The following SECISBP2L variants were observed in gnomAD, a reference collection of about 807,000 sequenced individuals.
SECISBP2L encodes the protein selenocysteine insertion sequence-binding protein 2-like.
SECISBP2L carries 43 observed loss-of-function variants against 114.7 expected under a neutral mutation model. The ratio of observed to expected loss-of-function variants is 0.38; its 90% CI spans 0.29 to 0.48. The LOEUF (loss-of-function observed/expected upper bound fraction) is 0.48. SECISBP2L is among the 20% of genes least tolerant of loss of function. The pLI is 0.98. For missense variants in SECISBP2L, 1,136 were observed against 1,301.1 expected (o/e 0.87, Z 1.95); for synonymous variants, 451 against 439.7 (o/e 1.03, Z -0.32).
Position 48,992,339 on chromosome 15 carries a change from C to G in SECISBP2L, c.3211G>C (p.Asp1071His). The G allele has an allele frequency of 6.2e-7, 1 of 1,614,160 alleles. No homozygotes were observed. Among genetic ancestry groups the G allele is most frequent in the Non-Finnish European group, 8.5e-7 (1 of 1,180,034 alleles). The stretch of plus-strand genomic sequence containing the variant: ...TGCTGCCCAGGACTGGCCTGCTGGT[C>G]AGCAGTCCATGCCTCACTGTCCATC... ...PGMDSEAWTADQQASPGQQKS... is the reference protein window; with the variant it reads ...PGMDSEAWTAHQQASPGQQKS... Residue 1071 changes from aspartate (D) to histidine (H), a missense_variant, in exon 18 of 18, where the codon GAC (aspartate) becomes CAC (histidine). Physicochemically the swap from Asp to His is moderately conservative, Grantham distance 81. Transcript: ENST00000559471.
intron 12 of SECISBP2L, 65 bp downstream of exon 12, chr15:49,012,583 T>C: frequency 1.3e-6 from 2 of 1,556,496 alleles, no homozygotes; most frequent in Non-Finnish European, 1.8e-6. Context: ...CAACCTACTT[T>C]TACAAAACAG....
chr15:48,993,913 T>C (rs1344945423), intron 17 of SECISBP2L, among the ~76,000 whole-genome samples: 1 of 152,128 alleles, frequency 6.6e-6, no homozygotes, highest in African/African-American at 2.4e-5. Context: ...TTGCAGTTTA[T>C]AGGTATAATA....
Position 49,020,354 on chromosome 15 carries a change from T to C in SECISBP2L, c.1036-802A>G, listed in dbSNP as rs181902482. Among the ~76,000 whole-genome samples, 152 of 151,854 alleles carry C rather than the reference T, an allele frequency of 1.0e-3. 1 individual carries two copies. Among genetic ancestry groups the C allele is most frequent in the Admixed American group, 8.3e-3 (126 of 15,232 alleles). ...CCAAGTAGCTGGGACTACAAGCACA[T>C]GCCACCACACCCAGCTAATTGTTTT... On this transcript the variant is annotated intron_variant, in intron 7 of 17. Coordinates refer to ENST00000559471, the MANE Select transcript of SECISBP2L (RefSeq NM_001193489.2).
At chr15:49,000,399 T>C (rs1902177415) in intron 15 of SECISBP2L, among the ~76,000 whole-genome samples, 1 of 152,218 alleles carries the variant, frequency 6.6e-6, no homozygotes, top group Non-Finnish European at 1.5e-5. Context: ...TCGCCATGCA[T>C]ATGCCTACTA....
intron 14 of SECISBP2L, among the ~76,000 whole-genome samples, chr15:49,003,973 T>A (rs1902263016): frequency 6.6e-6 from 1 of 152,052 alleles, no homozygotes; most frequent in Non-Finnish European, 1.5e-5. Flanking sequence ...TAGGTAGGAG[T>A]CCCTCTTTTT....
chr15:49,040,692 C>T (rs1001525951), intron 1 of SECISBP2L, among the ~76,000 whole-genome samples: 2 of 150,960 alleles, frequency 1.3e-5, no homozygotes, highest in African/African-American at 2.4e-5. Context: ...CCCACCATCA[C>T]GCCCGGCTAA....
chr15:49,013,376 AACCTCC>A (rs1902476673), intron 11 of SECISBP2L, among the ~76,000 whole-genome samples: 1 of 152,056 alleles, frequency 6.6e-6, no homozygotes, highest in South Asian at 2.1e-4. Flanking sequence ...GGCTCACTGA[AACCTCC>A]ACCTCCTGGG....
intron 4 of SECISBP2L, among the ~76,000 whole-genome samples, chr15:49,030,118 G>A (rs949675465): frequency 6.6e-6 from 1 of 150,876 alleles, no homozygotes; most frequent in Non-Finnish European, 1.5e-5. Flanking sequence ...CATTTCTGCC[G>A]ATTCATAATT....
At chr15:49,003,435 T>C (rs1480225978) in intron 14 of SECISBP2L, among the ~76,000 whole-genome samples, 1 of 152,206 alleles carries the variant, frequency 6.6e-6, no homozygotes, top group African/African-American at 2.4e-5. Flanking sequence ...TTTATTTCTT[T>C]CTCTTGCCTG....
chr15:49,038,932 G>A (rs938112003), intron 1 of SECISBP2L, among the ~76,000 whole-genome samples: 1 of 152,070 alleles, frequency 6.6e-6, no homozygotes, highest in African/African-American at 2.4e-5. Context: ...CCAAAACATA[G>A]TTGTAAGAAT....
chr15:49,012,566 G>T, intron 12 of SECISBP2L, 82 bp downstream of exon 12: 2 of 1,420,138 alleles, frequency 1.4e-6, no homozygotes, highest in Non-Finnish European at 2.0e-6. Flanking sequence ...TGTTGGCTAA[G>T]ACACCACAAC....
Position 49,019,572 on chromosome 15 carries a change from G to A in SECISBP2L, c.1036-20C>T. 4 of 1,427,052 alleles carry A rather than the reference G, an allele frequency of 2.8e-6. No individual in the cohort carries two copies. The highest frequency in any genetic ancestry group is 3.6e-6 in the Non-Finnish European group (4 of 1,101,022). The allele number at this position is 1,427,052 out of a possible 1,614,324, so 88.4% of individuals were successfully genotyped here. A position where few individuals can be genotyped will look rare whatever the true frequency, so the allele number is the denominator to read the frequency against. On this transcript the variant is annotated intron_variant, in intron 7 of 17. Coordinates refer to ENST00000559471, the MANE Select transcript of SECISBP2L (RefSeq NM_001193489.2). ...TCCAACCTAAGTAAACCCCAGAGGG[G>A]AAAAAAAATCTAATTATTTTTAAAT... is the stretch of plus-strand genomic sequence containing the variant.
chr15:49,002,725 CTTGT>C (rs1902236688), intron 14 of SECISBP2L, among the ~76,000 whole-genome samples: 1 of 152,166 alleles, frequency 6.6e-6, no homozygotes, highest in Non-Finnish European at 1.5e-5. Context: ...TTCCCCATTG[CTTGT>C]TTTTGTCAGA....
chr15:49,025,134 C>T (rs1349746671), intron 7 of SECISBP2L, among the ~76,000 whole-genome samples: 1 of 152,042 alleles, frequency 6.6e-6, no homozygotes, highest in Non-Finnish European at 1.5e-5. Context: ...TAAATGATTC[C>T]CCTTTTAGCT....
In SECISBP2L at chr15:49,017,010, A is replaced by T; in HGVS notation, c.1257T>A (p.Asp419Glu). 1 of 1,611,364 alleles carries T rather than the reference A, an allele frequency of 6.2e-7. No individual in the cohort carries two copies. The highest frequency in any genetic ancestry group is 8.5e-7 in the Non-Finnish European group (1 of 1,179,174). The change falls in exon 10 of 18, where the codon GAT (aspartate) becomes GAA (glutamate). Residue 419 changes from aspartate to glutamate, a missense_variant. Physicochemically the swap from Asp to Glu is conservative, Grantham distance 45. This residue lies in a region of SECISBP2L where 684 missense variants were observed against 848.7 expected (regional missense o/e 0.81). Coordinates refer to ENST00000559471, the MANE Select transcript of SECISBP2L (RefSeq NM_001193489.2). ...TGATTGGTGAGTTTTCAGGTAAATC[A>T]TCCAACTATGATAACCAGAAAAAAC... ...IQQKLSSKVL[D>E]DLPENSPINI...
Position 48,995,243 on chromosome 15 carries a change from C to T in SECISBP2L, c.2623+1124G>A, listed in dbSNP as rs546486119. ...CGGCATTTCACTATATAGAGAGGAT[C>T]GTGCTCATTTACAATGTTAGCACTT... is the stretch of plus-strand genomic sequence containing the variant. On this transcript the variant is annotated intron_variant, in intron 17 of 17. Transcript: ENST00000559471. Among the ~76,000 whole-genome samples the T allele has an allele frequency of 8.9e-4, 136 of 152,300 alleles. 1 individual carries two copies. Among genetic ancestry groups the T allele is most frequent in the African/African-American group, 3.0e-3 (126 of 41,566 alleles).
chr15:49,043,657 C>T (rs1903186798), intron 1 of SECISBP2L, among the ~76,000 whole-genome samples: 1 of 147,106 alleles, frequency 6.8e-6, no homozygotes, highest in South Asian at 2.1e-4. Context: ...CCAAGCAACA[C>T]ATATTCTTAG....
At chr15:49,002,239 C>T (rs982213028) in intron 14 of SECISBP2L, among the ~76,000 whole-genome samples, 5 of 152,102 alleles carry the variant, frequency 3.3e-5, no homozygotes, top group East Asian at 1.9e-4. Context: ...GTTTCTTGAC[C>T]GCATAAACGT....
chr15:49,027,557 T>A, intron 6 of SECISBP2L, 77 bp from the exon 7 acceptor site: 1 of 776,898 alleles, frequency 1.3e-6, no homozygotes, highest in Non-Finnish European at 2.0e-6. Flanking sequence ...CTTCACATAC[T>A]GAAATTCAGT....
Sources: gnomAD v4.1 joint callset for allele counts (sites outside exome capture counted in the v4.1 genomes callset) on GRCh38, gnomAD v4.1.1 for gene constraint, gnomAD v4.1.1 regional missense constraint, MANE v1.5 for transcripts, NCBI Gene and HGNC (gene_info 2026-07-23, HGNC 2026-07-21) for gene names.